The following SAXO2 variants were observed in gnomAD, a reference collection of about 807,000 sequenced individuals.
SAXO2 encodes the protein stabilizer of axonemal microtubules 2.
A neutral mutation model predicts 18.7 loss-of-function variants in SAXO2; 17 were observed. The observed-to-expected ratio is 0.91, with a 90% CI of 0.62 to 1.36. SAXO2 has a LOEUF of 1.36. Ranked by LOEUF, SAXO2 falls within the 40% of genes most tolerant of loss-of-function variation. SAXO2 has a pLI of 0.00. For synonymous variants in SAXO2, 163 were observed against 181.2 expected, an observed-to-expected ratio of 0.90 and a Z score of 0.81; for missense variants, 486 against 562.6, an observed-to-expected ratio of 0.86 and a Z score of 1.38.
intron 2 of SAXO2, among the ~76,000 whole-genome samples, chr15:82,268,845 G>A (rs1176041907): frequency 2.0e-5 from 3 of 152,184 alleles, no homozygotes; most frequent in Non-Finnish European, 4.4e-5. Flanking sequence ...CTACTCCATA[G>A]AAAGCTGCTT....
At chr15:82,273,559 T>C (rs1414948571) in intron 3 of SAXO2, among the ~76,000 whole-genome samples, 2 of 150,130 alleles carry the variant, frequency 1.3e-5, no homozygotes, top group Non-Finnish European at 3.0e-5. Context: ...TTTTTAAATC[T>C]TTGAGCACAT....
Position 82,282,192 on chromosome 15 carries a change from G to A in SAXO2, c.507G>A (p.Val169=). 6 of 1,614,044 alleles carry A rather than the reference G, an allele frequency of 3.7e-6. No homozygotes were observed. Among genetic ancestry groups the A allele is most frequent in the Non-Finnish European group, 5.1e-6 (6 of 1,179,920 alleles). ...AACAAACTTACCACCCGCCTACTGT[G>A]AAATTTGGAAATTCAACTACATTTC... ...KPEQTYHPPT[V]KFGNSTTFQD... is the part of the protein sequence containing the mutation. Residue 169 remains valine, a synonymous_variant, in exon 4 of 4, where the codon GTG becomes GTA. Transcript: ENST00000682753.
intron 2 of SAXO2, among the ~76,000 whole-genome samples, chr15:82,270,993 C>T (rs2075266028): frequency 1.3e-5 from 2 of 152,136 alleles, no homozygotes; most frequent in South Asian, 4.1e-4. Flanking sequence ...TTACATAGTA[C>T]CCAGGTTGGC....
intron 2 of SAXO2, among the ~76,000 whole-genome samples, chr15:82,267,318 A>G (rs2141362289): frequency 6.6e-6 from 1 of 152,358 alleles, no homozygotes; most frequent in South Asian, 2.1e-4. Context: ...GGTCATATGT[A>G]GATAAGAGAC....
chr15:82,268,648 G>C (rs2075242009), intron 2 of SAXO2, among the ~76,000 whole-genome samples: 1 of 152,194 alleles, frequency 6.6e-6, no homozygotes. Context: ...GTATAGTACA[G>C]GAAGTGACTG....
intron 2 of SAXO2, among the ~76,000 whole-genome samples, chr15:82,266,202 T>C (rs950638403): frequency 5.3e-5 from 8 of 152,146 alleles, no homozygotes; most frequent in African/African-American, 1.2e-4. Context: ...CGAATTTGCA[T>C]TGGGCCTCAT....
rs147384364 is a variant in SAXO2, at chr15:82,282,884, C to T, written c.1199C>T (p.Ala400Val). ...GAGAGTTGCAAACCTTTAAATATTG[C>T]TTTTAAGAGTTCTGTTCCATTTGAT... is the stretch of plus-strand genomic sequence containing the variant. ...PTESCKPLNI[A>V]FKSSVPFDDV... is the part of the protein sequence containing the mutation. The change falls in exon 4 of 4, where the codon GCT (alanine) becomes GTT (valine). Residue 400 changes from alanine (A) to valine (V), a missense_variant. Ala to Val is a moderately conservative substitution (Grantham distance 64). Transcript: ENST00000682753. 1.1e-5 allele frequency: 17 copies of T among 1,613,834 alleles called. No homozygotes were observed. The highest frequency in any genetic ancestry group is 1.4e-5 in the Non-Finnish European group (16 of 1,179,952).
chr15:82,275,771 A>G (rs543451620), intron 3 of SAXO2, among the ~76,000 whole-genome samples: 91 of 152,354 alleles, frequency 6.0e-4, no homozygotes, highest in African/African-American at 2.1e-3. Flanking sequence ...TTGAAGGAAC[A>G]TAACTCAAAA....
At position 82,264,599 on chromosome 15, in the gene SAXO2, G is replaced by GTA. The variant is rs530174708; in HGVS notation, c.54-961_54-960dup. The GTA allele has an allele frequency of 2.3e-4, 163 of 701,280 alleles. No homozygotes were observed. The Middle Eastern group carries it at 2.5e-3, about 11-fold the overall frequency. The allele number at this position is 701,280 out of a possible 1,614,324, so 43.4% of individuals were successfully genotyped here. A position where few individuals can be genotyped will look rare whatever the true frequency, so the allele number is the denominator to read the frequency against. On this transcript the variant is annotated intron_variant, in intron 1 of 3. Transcript: ENST00000682753. ...TAGGCAAAAAGGAATTTATTAAGGA[G>GTA]TATATATATAGTTCACTTGGAAGAA...
chr15:82,281,184 A>G (rs943180755), intron 3 of SAXO2, among the ~76,000 whole-genome samples: 17 of 152,318 alleles, frequency 1.1e-4, no homozygotes, highest in African/African-American at 3.4e-4. Context: ...CTAGCTTACT[A>G]TCTTCCTCAT....
At chr15:82,272,421 A>G (rs2075280351) in intron 3 of SAXO2, among the ~76,000 whole-genome samples, 1 of 152,218 alleles carries the variant, frequency 6.6e-6, no homozygotes, top group African/African-American at 2.4e-5. Context: ...TGCTCCTCTA[A>G]GAATTCTGGG....
At chr15:82,277,364 TA>T (rs1299640788) in intron 3 of SAXO2, among the ~76,000 whole-genome samples, 1 of 152,266 alleles carries the variant, frequency 6.6e-6, no homozygotes, top group East Asian at 1.9e-4. Flanking sequence ...GATATTATTT[TA>T]AAAAATATGC....
At position 82,283,069 on chromosome 15, in the gene SAXO2, A is replaced by C. The variant is rs761014465; in HGVS notation, c.*7A>C. The C allele has an allele frequency of 6.4e-6, 10 of 1,571,678 alleles. No individual in the cohort carries two copies. Among genetic ancestry groups the C allele is most frequent in the Non-Finnish European group, 8.6e-6 (10 of 1,161,136 alleles). ...TGCAGTGAAGGCCTTCTAATAACCAAAATGTGCTTAAAAGGAAGGTACTAG... is the reference window on the plus strand; with the variant it reads ...TGCAGTGAAGGCCTTCTAATAACCACAATGTGCTTAAAAGGAAGGTACTAG... On this transcript the variant is annotated 3_prime_UTR_variant, in exon 4 of 4. Transcript: ENST00000682753.
chr15:82,276,214 G>A (rs1010456797), intron 3 of SAXO2, among the ~76,000 whole-genome samples: 1 of 152,044 alleles, frequency 6.6e-6, no homozygotes, highest in African/African-American at 2.4e-5. Flanking sequence ...TCTCTACATG[G>A]AGAAGGAAAC....
intron 1 of SAXO2, chr15:82,263,570 A>C (rs188548936): frequency 2.8e-5 from 17 of 607,650 alleles, no homozygotes; most frequent in Non-Finnish European, 5.0e-5. Flanking sequence ...TTATTTGCTA[A>C]GTAAATATGA....
rs780217425 is a variant in SAXO2, at chr15:82,282,916, A to G, written c.1231A>G (p.Thr411Ala). 1 of 1,613,992 alleles carries G rather than the reference A, an allele frequency of 6.2e-7. No homozygotes were observed. The highest frequency in any genetic ancestry group is 8.5e-7 in the Non-Finnish European group (1 of 1,180,004). Residue 411 changes from threonine (T) to alanine (A), a missense_variant, in exon 4 of 4, where the codon ACC becomes GCC. Coordinates refer to ENST00000682753, the MANE Select transcript of SAXO2 (RefSeq NM_001348699.2). The part of the protein sequence containing the change: ...FKSSVPFDDV[T>A]MYSVEYTPKR... ...GAGTTCTGTTCCATTTGATGATGTA[A>G]CCATGTACTCTGTAGAGTACACACC...
chr15:82,265,364 G>T (rs545266391), intron 1 of SAXO2, among the ~76,000 whole-genome samples: 1 of 152,078 alleles, frequency 6.6e-6, no homozygotes, highest in Non-Finnish European at 1.5e-5. Context: ...GGATGGTCTC[G>T]ATCTCCTGAC....
intron 2 of SAXO2, 49 bp from the exon 3 acceptor site, chr15:82,271,554 T>C (rs1439854489): frequency 2.3e-5 from 33 of 1,434,266 alleles, no homozygotes; most frequent in Non-Finnish European, 3.1e-5. Flanking sequence ...TTGAAATAAT[T>C]AGGAATAAAA....
intron 3 of SAXO2, among the ~76,000 whole-genome samples, chr15:82,275,403 A>G (rs1397395325): frequency 6.7e-6 from 1 of 150,040 alleles, no homozygotes; most frequent in Non-Finnish European, 1.5e-5. Context: ...ATTGAGGAAG[A>G]AGGACTCCTC....
Sources: gnomAD v4.1 joint callset for allele counts (sites outside exome capture counted in the v4.1 genomes callset) on GRCh38, gnomAD v4.1.1 for gene constraint, MANE v1.5 for transcripts, NCBI Gene and HGNC (gene_info 2026-07-23, HGNC 2026-07-21) for gene names.